The following TCAF1 variants were observed in gnomAD, a reference collection of about 807,000 sequenced individuals.
The protein encoded by TCAF1 is TRPM8 channel-associated factor 1.
A neutral mutation model predicts 27.3 loss-of-function variants in TCAF1; 4 were observed. The ratio of observed to expected loss-of-function variants is 0.15; its 90% CI spans 0.07 to 0.34. The LOEUF (loss-of-function observed/expected upper bound fraction) is 0.34. TCAF1 is among the 10% of genes least tolerant of loss of function. TCAF1 has a pLI of 1.00. For synonymous variants in TCAF1, 105 were observed against 167.1 expected (o/e 0.63, Z 2.87); for missense variants, 257 against 425.8 (o/e 0.60, Z 3.49).
intron 6 of TCAF1, among the ~76,000 whole-genome samples, 197 bp downstream of exon 6, chr7:143,860,010 AT>A (rs1811907022): frequency 1.0e-3 from 20 of 19,892 alleles, no homozygotes; most frequent in East Asian, 5.7e-3. Flanking sequence ...TAATATATAT[AT>A]AATATATATT....
chr7:143,869,510 G>A (rs1410924897), intron 2 of TCAF1, among the ~76,000 whole-genome samples: 1 of 151,062 alleles, frequency 6.6e-6, no homozygotes, highest in Admixed American at 6.6e-5. Context: ...GTTTTCTTAC[G>A]ATGTCCTTTT....
rs573199021 is a variant in TCAF1, at chr7:143,885,158, C to T, written c.-14-8536G>A. ...ATCGGGAGCCGCCCCTGAATTGGTC[C>T]GTGTGCCCGGGCCTGGTCTGGTCCC... On this transcript the variant is annotated intron_variant, in intron 1 of 8. Transcript: ENST00000479870. 9 of 985,560 alleles carry T rather than the reference C, an allele frequency of 9.1e-6. No homozygotes were observed. In the African/African-American group the frequency reaches 1.6e-4, roughly 17 times the overall value. 61.1% of individuals were successfully genotyped at this position (985,560 alleles called of 1,614,324 possible).
At chr7:143,883,395 G>C (rs935314000) in intron 1 of TCAF1, among the ~76,000 whole-genome samples, 1 of 151,536 alleles carries the variant, frequency 6.6e-6, no homozygotes, top group Non-Finnish European at 1.5e-5. Context: ...TTGCAGTTAC[G>C]TGTCTTACTT....
Position 143,858,815 on chromosome 7 carries a change from G to GCC in TCAF1, c.2505+7_2505+8dup, listed in dbSNP as rs1811685996. On this transcript the variant is annotated intron_variant, in intron 7 of 8. Transcript: ENST00000479870. ...GGGTCCCCCATCACCCGCCATTCTT[G>GCC]CCCAGTACCTGTAAATACGTTTCCA... 4.9e-6 allele frequency: 3 copies of GCC among 617,256 alleles called. No homozygotes were observed. In the Admixed American group the frequency reaches 8.7e-5, roughly 18 times the overall value. 38.2% of individuals were successfully genotyped at this position (617,256 alleles called of 1,614,324 possible).
Position 143,859,914 on chromosome 7 carries a change from CGGAATATATATTAT to C in TCAF1, c.2167+280_2167+293del, listed in dbSNP as rs1563211242. ...AATATATATTATATAATATATATTA[CGGAATATATATTAT>C]ATAATATATATTATATAATATATAT... On this transcript the variant is annotated intron_variant, in intron 6 of 8. Coordinates refer to ENST00000479870, the MANE Select transcript of TCAF1 (RefSeq NM_014719.3). 8.1e-4 allele frequency among the ~76,000 whole-genome samples: 30 copies of C among 37,064 alleles called. 2 individuals carry two copies. Among genetic ancestry groups the C allele is most frequent in the East Asian group, 2.2e-3 (2 of 898 alleles). 24.3% of individuals were successfully genotyped at this position (37,064 alleles called of 152,430 possible). A position where few individuals can be genotyped will look rare whatever the true frequency, so the allele number is the denominator to read the frequency against.
At chr7:143,860,021 T>TATATAATATATATATA (rs1563212233) in intron 6 of TCAF1, among the ~76,000 whole-genome samples, 187 bp downstream of exon 6, 1 of 32,720 alleles carries the variant, frequency 3.1e-5, no homozygotes, top group Non-Finnish European at 5.8e-5. Context: ...TAATATATAT[T>TATATAATATATATATA]ATATATTATA....
At chr7:143,887,786 AT>A (rs1039078109) in intron 1 of TCAF1, among the ~76,000 whole-genome samples, 1 of 152,216 alleles carries the variant, frequency 6.6e-6, no homozygotes, top group African/African-American at 2.4e-5. Flanking sequence ...AATGATTTGC[AT>A]TTTTCACAAT....
At chr7:143,884,296 T>C (rs1279183312) in intron 1 of TCAF1, among the ~76,000 whole-genome samples, 1 of 152,056 alleles carries the variant, frequency 6.6e-6, no homozygotes, top group Non-Finnish European at 1.5e-5. Context: ...TTTCTCCAAA[T>C]TGGATCATTA....
intron 1 of TCAF1, among the ~76,000 whole-genome samples, chr7:143,878,463 G>T (rs149583390): frequency 1.3e-5 from 2 of 152,234 alleles, no homozygotes; most frequent in East Asian, 3.9e-4. Context: ...CACAAGCCAG[G>T]ATAAAATAGC....
At chr7:143,882,388 G>T (rs1813099427) in intron 1 of TCAF1, 2 of 985,234 alleles carry the variant, frequency 2.0e-6, no homozygotes, top group African/African-American at 3.5e-5. Context: ...ATCCGACAAA[G>T]CAGCGGATTA....
Position 143,876,621 on chromosome 7 carries a change from T to A in TCAF1, c.-13A>T. 6.7e-7 allele frequency: 1 copy of A among 1,490,012 alleles called. No individual in the cohort carries two copies. Among genetic ancestry groups the A allele is most frequent in the Non-Finnish European group, 8.9e-7 (1 of 1,120,890 alleles). The allele number at this position is 1,490,012 out of a possible 1,614,324, so 92.3% of individuals were successfully genotyped here. On this transcript the variant is annotated splice_region_variant and 5_prime_UTR_variant, in exon 2 of 9. Coordinates refer to ENST00000479870, the MANE Select transcript of TCAF1 (RefSeq NM_014719.3). Reference sequence around the variant, plus strand: ...AGGGAGTCGCCATGGCTCTATTGGTTTCTGCAGAGAAGAAAGCAAAGGCTC... The same window carrying A: ...AGGGAGTCGCCATGGCTCTATTGGTATCTGCAGAGAAGAAAGCAAAGGCTC...
chr7:143,883,927 C>T (rs1407192594), intron 1 of TCAF1, among the ~76,000 whole-genome samples: 3 of 152,226 alleles, frequency 2.0e-5, no homozygotes, highest in East Asian at 1.9e-4. Context: ...GTGACAGGGA[C>T]CCAGACTAAG....
intron 1 of TCAF1, among the ~76,000 whole-genome samples, chr7:143,881,423 T>C (rs1027052639): frequency 1.3e-5 from 2 of 152,136 alleles, no homozygotes; most frequent in African/African-American, 2.4e-5. Context: ...ATGAACCTTC[T>C]GTTTCTTTTC....
chr7:143,878,152 G>A (rs1048086586), intron 1 of TCAF1, among the ~76,000 whole-genome samples: 1 of 152,132 alleles, frequency 6.6e-6, no homozygotes, highest in African/African-American at 2.4e-5. Flanking sequence ...TAGGTTAAAT[G>A]CCTTTTCATA....
At chr7:143,884,537 G>A (rs138867600) in intron 1 of TCAF1, among the ~76,000 whole-genome samples, 18 of 152,212 alleles carry the variant, frequency 1.2e-4, no homozygotes, top group African/African-American at 3.6e-4. Flanking sequence ...TGCAATGTCA[G>A]GACTAACAGC....
intron 1 of TCAF1, among the ~76,000 whole-genome samples, chr7:143,892,279 A>G (rs1813671359): frequency 6.6e-6 from 1 of 152,142 alleles, no homozygotes; most frequent in Non-Finnish European, 1.5e-5. Flanking sequence ...CAGCTGCAAG[A>G]TGGAGATAAA....
intron 4 of TCAF1, among the ~76,000 whole-genome samples, chr7:143,861,693 GGA>G (rs1812032172): frequency 9.9e-5 from 1 of 10,082 alleles, no homozygotes; most frequent in Admixed American, 8.5e-4. Flanking sequence ...TCTGGCATTT[GGA>G]ATGGGGCAGA....
intron 1 of TCAF1, 76 bp from the exon 2 acceptor site, chr7:143,876,698 C>T: frequency 8.4e-7 from 1 of 1,188,908 alleles, no homozygotes; most frequent in Non-Finnish European, 1.1e-6. Flanking sequence ...GTTCACTCTT[C>T]CAGTAGCTGG....
At chr7:143,890,817 C>T (rs962531480) in intron 1 of TCAF1, among the ~76,000 whole-genome samples, 3 of 152,102 alleles carry the variant, frequency 2.0e-5, no homozygotes, top group Non-Finnish European at 2.9e-5. Context: ...ATATGAATTC[C>T]CCTAATGTCA....
Sources: allele counts gnomAD v4.1 joint callset (sites outside exome capture counted in the v4.1 genomes callset), GRCh38; gene constraint gnomAD v4.1.1; transcripts MANE v1.5; gene names NCBI Gene and HGNC (gene_info 2026-07-23, HGNC 2026-07-21).